The following HPSE variants were observed in gnomAD, a reference collection of about 807,000 sequenced individuals.
The protein encoded by HPSE is heparanase.
In HPSE, 48 loss-of-function variants were observed where a neutral mutation model predicts 65.1. The observed-to-expected ratio is 0.74, with a 90% CI of 0.58 to 0.94. HPSE has a LOEUF of 0.94. Among genes scored for constraint, HPSE ranks in the 40% least tolerant of loss-of-function variants. The pLI is 0.00. For missense variants in HPSE, 644 were observed against 637.5 expected, an observed-to-expected ratio of 1.01 and a Z score of -0.11; for synonymous variants, 243 against 260.0, an observed-to-expected ratio of 0.93 and a Z score of 0.63.
chr4:83,334,820 C>T lies in HPSE; in HGVS notation c.-38G>A. ...TGGCTGCTCCCCCCGCCAGCTGCCG[C>T]GCAGCGGAGAGTCGAGAGCTCTAGC... On this transcript the variant is annotated 5_prime_UTR_variant, in exon 1 of 12. Coordinates refer to ENST00000311412, the MANE Select transcript of HPSE (RefSeq NM_001098540.3). 2 of 1,480,868 alleles carry T rather than the reference C, an allele frequency of 1.4e-6. No individual in the cohort carries two copies. Among genetic ancestry groups the T allele is most frequent in the Non-Finnish European group, 1.8e-6 (2 of 1,117,238 alleles). 91.7% of individuals were successfully genotyped at this position (1,480,868 alleles called of 1,614,324 possible). A position where few individuals can be genotyped will look rare whatever the true frequency, so the allele number is the denominator to read the frequency against.
chr4:83,323,379 G>T (rs556839686), intron 1 of HPSE, among the ~76,000 whole-genome samples: 12 of 152,108 alleles, frequency 7.9e-5, no homozygotes, highest in Non-Finnish European at 1.2e-4. Flanking sequence ...CACCTCTCTG[G>T]TGGGGATGTT....
chr4:83,334,349 T>A (rs912980745), intron 1 of HPSE, among the ~76,000 whole-genome samples: 2 of 152,066 alleles, frequency 1.3e-5, no homozygotes, highest in African/African-American at 4.8e-5. Flanking sequence ...ATCTATTTTT[T>A]AAATGATACC....
chr4:83,322,469 C>A (rs994377412), intron 1 of HPSE, 105 bp from the exon 2 acceptor site: 1 of 898,992 alleles, frequency 1.1e-6, no homozygotes. Context: ...TAACATTTCC[C>A]TGTGCAGGAC....
chr4:83,317,581 T>C (rs1460786516), intron 3 of HPSE, among the ~76,000 whole-genome samples: 1 of 152,228 alleles, frequency 6.6e-6, no homozygotes, highest in Non-Finnish European at 1.5e-5. Flanking sequence ...AGGAAGGCAT[T>C]TCCCCTGGTG....
At chr4:83,331,133 G>A (rs1737353258) in intron 1 of HPSE, among the ~76,000 whole-genome samples, 1 of 152,142 alleles carries the variant, frequency 6.6e-6, no homozygotes, top group Non-Finnish European at 1.5e-5. Flanking sequence ...GAACCCGGGA[G>A]GCGGAGGTTG....
intron 1 of HPSE, among the ~76,000 whole-genome samples, chr4:83,325,130 GGTGT>G (rs70949703): frequency 0.13 from 17,467 of 133,900 alleles, 1,257 homozygotes; most frequent in East Asian, 0.37. Context: ...TATACAACTT[GGTGT>G]GTGTGTGTGT....
intron 5 of HPSE, 105 bp downstream of exon 5, chr4:83,310,617 A>C (rs1736329069): frequency 9.6e-7 from 1 of 1,042,222 alleles, no homozygotes; most frequent in Non-Finnish European, 1.4e-6. Context: ...AGTTGCAGTG[A>C]GCCATGATTG....
chr4:83,312,841 CAAAAAAAAAAAA>C (rs1200808673), intron 4 of HPSE, among the ~76,000 whole-genome samples: 35 of 10,990 alleles, frequency 3.2e-3, no homozygotes, highest in South Asian at 6.6e-3. Flanking sequence ...ACTAAAAATG[CAAAAAAAAAAAA>C]AAAAAAAAAA....
chr4:83,319,307 G>T, intron 3 of HPSE, 37 bp downstream of exon 3: 1 of 1,608,280 alleles, frequency 6.2e-7, no homozygotes, highest in South Asian at 1.1e-5. Context: ...AATATCTTTG[G>T]GGCTGGAACA....
chr4:83,316,157 G>A (rs1736626429), intron 3 of HPSE, among the ~76,000 whole-genome samples: 1 of 151,872 alleles, frequency 6.6e-6, no homozygotes, highest in African/African-American at 2.4e-5. Flanking sequence ...CTCTGCAGTA[G>A]CTGGGACTAC....
At chr4:83,320,205 T>C (rs1482479968) in intron 2 of HPSE, among the ~76,000 whole-genome samples, 5 of 152,034 alleles carry the variant, frequency 3.3e-5, no homozygotes, top group Admixed American at 6.6e-5. Context: ...GTGGGAACCG[T>C]TGACTTTTTT....
chr4:83,334,408 T>TG (rs1737527379), intron 1 of HPSE, 148 bp downstream of exon 1: 8 of 869,652 alleles, frequency 9.2e-6, no homozygotes, highest in Non-Finnish European at 1.0e-5. Flanking sequence ...AGAGGGAGAA[T>TG]GAGAGGCGGG....
intron 3 of HPSE, among the ~76,000 whole-genome samples, chr4:83,317,586 CT>C (rs778197951): frequency 2.0e-5 from 3 of 152,166 alleles, no homozygotes; most frequent in Non-Finnish European, 4.4e-5. Context: ...GGCATTTCCC[CT>C]GGTGTAGGAA....
At chr4:83,301,190 T>C in intron 10 of HPSE, 84 bp from the exon 11 acceptor site, 1 of 836,568 alleles carries the variant, frequency 1.2e-6, no homozygotes, top group Non-Finnish European at 1.8e-6. Flanking sequence ...ATCCTAAGTA[T>C]TAGTATCCAT....
At chr4:83,330,863 T>C (rs1737336522) in intron 1 of HPSE, among the ~76,000 whole-genome samples, 1 of 152,180 alleles carries the variant, frequency 6.6e-6, no homozygotes, top group African/African-American at 2.4e-5. Context: ...ATCTGTACTG[T>C]CCACTACCAT....
intron 3 of HPSE, among the ~76,000 whole-genome samples, chr4:83,317,982 G>A (rs977491511): frequency 2.0e-5 from 3 of 152,130 alleles, no homozygotes; most frequent in Non-Finnish European, 2.9e-5. Context: ...TTTTTTAGAG[G>A]ACAACATTAG....
At chr4:83,303,460 C>T (rs1417238872) in intron 9 of HPSE, among the ~76,000 whole-genome samples, 2 of 152,018 alleles carry the variant, frequency 1.3e-5, no homozygotes, top group Non-Finnish European at 2.9e-5. Context: ...AAATGTGAGA[C>T]ACTGACAAAA....
chr4:83,300,198 A>G (rs957002281), intron 11 of HPSE, among the ~76,000 whole-genome samples: 2 of 152,256 alleles, frequency 1.3e-5, no homozygotes, highest in Non-Finnish European at 2.9e-5. Flanking sequence ...GTGTATGAGA[A>G]TCTACTTAAG....
At chr4:83,302,406 CTT>C (rs779578507) in intron 9 of HPSE, 138 bp from the exon 10 acceptor site, 8,500 of 479,482 alleles carry the variant, frequency 0.018, 1 homozygote, top group South Asian at 0.024. Flanking sequence ...TAGGATTCAT[CTT>C]TTTTTTTTTT....
Sources: allele counts gnomAD v4.1 joint callset (sites outside exome capture counted in the v4.1 genomes callset), GRCh38; gene constraint gnomAD v4.1.1; transcripts MANE v1.5; gene names NCBI Gene and HGNC (gene_info 2026-07-23, HGNC 2026-07-21).